RADIL: variants seen among roughly 807,000 people sequenced by gnomAD.
RADIL encodes the protein ras-associating and dilute domain-containing protein.
Under a neutral mutation model 97.6 loss-of-function variants are expected in RADIL, and 99 were observed. That is an observed-to-expected ratio of 1.01 (90% CI 0.86 to 1.20). The LOEUF (loss-of-function observed/expected upper bound fraction) is 1.20. Among genes scored for constraint, RADIL ranks in the 50% most tolerant of loss-of-function variants. The probability of loss-of-function intolerance (pLI) is 0.00; values close to 1 mark genes in which losing one functional copy is unlikely to be tolerated. For missense variants in RADIL, 1,765 were observed against 1,498.9 expected (o/e 1.18, Z -2.93); for synonymous variants, 803 against 691.8 (o/e 1.16, Z -2.52).
chr7:4,832,240 C>A, intron 4 of RADIL, 62 bp from the exon 5 acceptor site: 2 of 1,486,472 alleles, frequency 1.3e-6, no homozygotes, highest in South Asian at 1.2e-5. Flanking sequence ...GGGACGCGTT[C>A]AAATACACGA....
Position 4,842,183 on chromosome 7 carries a change from TAGAA to T in RADIL, c.536-5582_536-5579del, listed in dbSNP as rs1783455926. Among the ~76,000 whole-genome samples, 1 of 149,538 alleles carries T rather than the reference TAGAA, an allele frequency of 6.7e-6. No homozygotes were observed. The highest frequency in any genetic ancestry group is 2.1e-4 in the South Asian group (1 of 4,702). ...GCCTTTGACAATGGGATAGAAGGAG[TAGAA>T]AGTGCAGGGCGCCGGGGCAATGGGG... On this transcript the variant is annotated intron_variant, in intron 2 of 14. Coordinates refer to ENST00000399583, the MANE Select transcript of RADIL (RefSeq NM_018059.5). The surrounding 1 kb of genome is among the most constrained non-coding windows in gnomAD (Gnocchi z 4.5).
chr7:4,838,694 A>G (rs1008282483), intron 2 of RADIL, among the ~76,000 whole-genome samples: 1 of 152,200 alleles, frequency 6.6e-6, no homozygotes, highest in African/African-American at 2.4e-5. Flanking sequence ...CCAGGCTGCC[A>G]GCCTCCAACG....
chr7:4,799,783 G>A lies in RADIL; in HGVS notation c.2983-14C>T. On this transcript the variant is annotated splice_polypyrimidine_tract_variant and intron_variant, in intron 13 of 14. Transcript: ENST00000399583. ...CAGGTGCGTGTGCTGGGGACAAGCA[G>A]AGGCCTCAGAGCTCCGCAGGCCCGA... The A allele has an allele frequency of 6.6e-7, 1 of 1,508,414 alleles. No individual in the cohort carries two copies. The allele number at this position is 1,508,414 out of a possible 1,614,324, so 93.4% of individuals were successfully genotyped here. A position where few individuals can be genotyped will look rare whatever the true frequency, so the allele number is the denominator to read the frequency against.
Position 4,837,684 on chromosome 7 carries a change from TTAAC to T in RADIL, c.536-1083_536-1080del, listed in dbSNP as rs1369271169. On this transcript the variant is annotated intron_variant, in intron 2 of 14. Coordinates refer to ENST00000399583, the MANE Select transcript of RADIL (RefSeq NM_018059.5). The surrounding 1 kb of genome is among the most constrained non-coding windows in gnomAD (Gnocchi z 5.6). ...GCCAACACACATGCACCCACACACA[TTAAC>T]ACATACATGCACACAAACATGCGCA... 2.7e-6 allele frequency: 1 copy of T among 368,618 alleles called. No individual in the cohort carries two copies. Among genetic ancestry groups the T allele is most frequent in the Non-Finnish European group, 3.7e-6 (1 of 266,776 alleles). The allele number at this position is 368,618 out of a possible 1,614,324, so 22.8% of individuals were successfully genotyped here.
intron 9 of RADIL, among the ~76,000 whole-genome samples, chr7:4,812,767 T>A (rs889515209): frequency 1.3e-5 from 2 of 152,188 alleles, no homozygotes; most frequent in African/African-American, 4.8e-5. Flanking sequence ...TTATTGCTTA[T>A]CTCAACCCTG....
In RADIL at chr7:4,862,270, T is replaced by C. The variant is rs535620035; in HGVS notation, c.535+15335A>G. On this transcript the variant is annotated intron_variant, in intron 2 of 14. Transcript: ENST00000399583. Reference sequence around the variant, plus strand: ...CCCTTGACATCGCAGATGTGCATCCTTTTTGGGGGCACCCTCAGCACTCTT... The same window carrying C: ...CCCTTGACATCGCAGATGTGCATCCCTTTTGGGGGCACCCTCAGCACTCTT... Among the ~76,000 whole-genome samples, 3 of 152,334 alleles carry C rather than the reference T, an allele frequency of 2.0e-5. No homozygotes were observed. In the South Asian group the frequency reaches 6.2e-4, roughly 32 times the overall value.
At position 4,821,780 on chromosome 7, in the gene RADIL, T is replaced by C. The variant is rs536119462; in HGVS notation, c.1615+614A>G. ...CTGAGGCACGAGAATCGCTTGAACC[T>C]GGGAGACGGAGCTTGCAGTGAGCCA... On this transcript the variant is annotated intron_variant, in intron 6 of 14. Transcript: ENST00000399583. This position sits in a 1 kb window ranked among gnomAD's most constrained non-coding sequence, Gnocchi z 5.2. Among the ~76,000 whole-genome samples, 1 of 152,212 alleles carries C rather than the reference T, an allele frequency of 6.6e-6. No individual in the cohort carries two copies. The highest frequency in any genetic ancestry group is 1.9e-4 in the East Asian group (1 of 5,166).
At chr7:4,816,092 A>G in intron 8 of RADIL, 136 bp downstream of exon 8, 3 of 780,656 alleles carry the variant, frequency 3.8e-6, no homozygotes, top group Non-Finnish European at 6.5e-6. Context: ...CTCACCCCTC[A>G]GGGACACCAG....
chr7:4,816,578 C>T (rs537006467), intron 7 of RADIL, 113 bp from the exon 8 acceptor site: 2 of 816,954 alleles, frequency 2.4e-6, no homozygotes. Context: ...GGGACCCGGC[C>T]TCGGTAGCTT....
chr7:4,827,457 C>G (rs915277852), intron 5 of RADIL, among the ~76,000 whole-genome samples: 9 of 151,414 alleles, frequency 5.9e-5, no homozygotes, highest in Admixed American at 2.0e-4. Flanking sequence ...GTCAGGCGAT[C>G]AAGACCATCC....
chr7:4,860,668 A>G (rs1436588445), intron 2 of RADIL: 1 of 1,614,050 alleles, frequency 6.2e-7, no homozygotes, highest in African/African-American at 1.3e-5. Flanking sequence ...CTGTTGATGC[A>G]CTTGCCAGAA....
At chr7:4,831,725 C>CA (rs397890944) in intron 5 of RADIL, among the ~76,000 whole-genome samples, 60,358 of 141,490 alleles carry the variant, frequency 0.43, 13,240 homozygotes, top group African/African-American at 0.59. Flanking sequence ...ACTAAAAGTA[C>CA]AAAAAAAAAA....
intron 2 of RADIL, chr7:4,858,104 A>C (rs1003974354): frequency 6.6e-6 from 1 of 152,546 alleles, no homozygotes; most frequent in African/African-American, 2.4e-5. Context: ...TGAAACGGCA[A>C]AGATGTGAGA....
At chr7:4,857,355 T>C (rs1206145622) in intron 2 of RADIL, among the ~76,000 whole-genome samples, 1 of 152,204 alleles carries the variant, frequency 6.6e-6, no homozygotes, top group Non-Finnish European at 1.5e-5. Context: ...TAAAACAGCA[T>C]ACAGTTGGAC....
At chr7:4,806,668 T>C (rs1782319438) in intron 9 of RADIL, among the ~76,000 whole-genome samples, 1 of 152,208 alleles carries the variant, frequency 6.6e-6, no homozygotes, top group Non-Finnish European at 1.5e-5. Context: ...CTCTGGTTTG[T>C]CCTGTTTCTA....
chr7:4,861,751 G>C, intron 2 of RADIL: 1 of 1,503,390 alleles, frequency 6.7e-7, no homozygotes, highest in Non-Finnish European at 8.9e-7. Flanking sequence ...AGACGCCGTA[G>C]CGATTCGGCG....
At chr7:4,811,258 T>A (rs1253409498) in intron 9 of RADIL, 1 of 152,058 alleles carries the variant, frequency 6.6e-6, no homozygotes, top group East Asian at 1.9e-4. Context: ...TGTGATGAAT[T>A]AGTTCTAAAC....
chr7:4,856,388 G>A (rs1309752313), intron 2 of RADIL, among the ~76,000 whole-genome samples: 1 of 152,218 alleles, frequency 6.6e-6, no homozygotes, highest in Non-Finnish European at 1.5e-5. Context: ...GGGATTACAG[G>A]CATGAGCTAC....
chr7:4,808,914 C>G (rs1401597382), intron 9 of RADIL: 1 of 821,364 alleles, frequency 1.2e-6, no homozygotes, highest in East Asian at 1.8e-4. Context: ...CCACTGCCCC[C>G]CCACGTCTCC....
Sources: gnomAD v4.1 joint callset for allele counts (sites outside exome capture counted in the v4.1 genomes callset) on GRCh38, gnomAD v4.1.1 for gene constraint, Gnocchi (gnomAD v3.1) non-coding constraint, MANE v1.5 for transcripts, NCBI Gene and HGNC (gene_info 2026-07-23, HGNC 2026-07-21) for gene names.